SHISA6: variants seen among roughly 807,000 people sequenced by gnomAD.
The protein encoded by SHISA6 is shisa family member 6.
In SHISA6, 22 loss-of-function variants were observed where a neutral mutation model predicts 47.9. The observed-to-expected ratio is 0.46, with a 90% CI of 0.33 to 0.66. The LOEUF (loss-of-function observed/expected upper bound fraction) is 0.66, where lower values mean the gene tolerates loss of function less well. SHISA6 is among the 30% of genes least tolerant of loss of function. The pLI is 0.02. For synonymous variants in SHISA6, 388 were observed against 337.8 expected (o/e 1.15, Z -1.63); for missense variants, 680 against 764.6 (o/e 0.89, Z 1.30).
intron 2 of SHISA6, among the ~76,000 whole-genome samples, chr17:11,341,507 G>A (rs538373399): frequency 6.6e-6 from 1 of 151,854 alleles, no homozygotes; most frequent in Admixed American, 6.6e-5. Flanking sequence ...GCTAATTTTT[G>A]TATTTTTATT....
chr17:11,325,713 A>C (rs961843327), intron 2 of SHISA6, among the ~76,000 whole-genome samples: 1 of 148,784 alleles, frequency 6.7e-6, no homozygotes, highest in African/African-American at 2.5e-5. Flanking sequence ...AAAAAAAAAG[A>C]CTTGATGTCA....
Position 11,548,440 on chromosome 17 carries a change from CATAT to C in SHISA6, c.896-3440_896-3437del, listed in dbSNP as rs10578711. On this transcript the variant is annotated intron_variant, in intron 3 of 5. Transcript: ENST00000441885. ...AAATGTTATTTATGAATGCATATTT[CATAT>C]ATATATATATATATACATATATCAC... is the stretch of plus-strand genomic sequence containing the variant. 4.2e-3 allele frequency among the ~76,000 whole-genome samples: 623 copies of C among 148,572 alleles called. 4 individuals are homozygous for C. Among genetic ancestry groups the C allele is most frequent in the African/African-American group, 0.014 (573 of 40,656 alleles).
At chr17:11,275,561 C>T (rs767635249) in intron 2 of SHISA6, among the ~76,000 whole-genome samples, 3 of 152,108 alleles carry the variant, frequency 2.0e-5, no homozygotes, top group Non-Finnish European at 2.9e-5. Context: ...AATAAACCCA[C>T]GGACATATAC....
chr17:11,393,053 AT>A (rs1474502156), intron 3 of SHISA6, among the ~76,000 whole-genome samples: 1 of 152,214 alleles, frequency 6.6e-6, no homozygotes, highest in Non-Finnish European at 1.5e-5. Flanking sequence ...TTCTACACAA[AT>A]TCTGTCATCT....
chr17:11,264,006 A>T (rs1437377227), intron 2 of SHISA6, among the ~76,000 whole-genome samples: 1 of 152,156 alleles, frequency 6.6e-6, no homozygotes, highest in Admixed American at 6.5e-5. Context: ...TGCTCTGTAG[A>T]TTCCCTGGAT....
At chr17:11,325,593 A>C (rs1910853315) in intron 2 of SHISA6, among the ~76,000 whole-genome samples, 1 of 152,238 alleles carries the variant, frequency 6.6e-6, no homozygotes, top group South Asian at 2.1e-4. Flanking sequence ...TCATTTAAAA[A>C]AAAGACAGCA....
intron 3 of SHISA6, among the ~76,000 whole-genome samples, chr17:11,411,560 C>T (rs111590232): frequency 0.024 from 3,596 of 152,122 alleles, 149 homozygotes; most frequent in African/African-American, 0.082. Context: ...CCACATCCAG[C>T]TAATTTTTGT....
At chr17:11,538,005 T>C (rs1265073708) in intron 3 of SHISA6, among the ~76,000 whole-genome samples, 1 of 152,230 alleles carries the variant, frequency 6.6e-6, no homozygotes, top group Non-Finnish European at 1.5e-5. Flanking sequence ...AACTCCATTT[T>C]GCACTGGAGG....
chr17:11,551,161 A>T (rs1228192182), intron 3 of SHISA6, among the ~76,000 whole-genome samples: 7 of 152,238 alleles, frequency 4.6e-5, no homozygotes, highest in Admixed American at 3.9e-4. Flanking sequence ...GCCAGAGTGC[A>T]CTGTAGTGGT....
At chr17:11,286,525 C>A (rs1360965971) in intron 2 of SHISA6, among the ~76,000 whole-genome samples, 1 of 152,204 alleles carries the variant, frequency 6.6e-6, no homozygotes, top group Non-Finnish European at 1.5e-5. Flanking sequence ...CCCACTCATT[C>A]TGCCCTTGAC....
intron 2 of SHISA6, among the ~76,000 whole-genome samples, chr17:11,377,190 G>T (rs187184647): frequency 6.6e-6 from 1 of 152,086 alleles, no homozygotes; most frequent in Non-Finnish European, 1.5e-5. Flanking sequence ...TGCTCTTGGT[G>T]CTGCCTCATT....
rs1284103077 is a variant in SHISA6 at position 11,338,191 on chromosome 17, C to T, written c.800-41223C>T. Reference sequence around the variant, plus strand: ...CTCATGTTCAGCAGCTGCACACAGACTAGATAGGAGTTTGGCATGCATCTG... The same window carrying T: ...CTCATGTTCAGCAGCTGCACACAGATTAGATAGGAGTTTGGCATGCATCTG... On this transcript the variant is annotated intron_variant, in intron 2 of 5. Transcript: ENST00000441885. Among the ~76,000 whole-genome samples, 3 of 152,284 alleles carry T rather than the reference C, an allele frequency of 2.0e-5. No individual in the cohort carries two copies. In the East Asian group the frequency reaches 5.8e-4, roughly 29 times the overall value.
At chr17:11,264,067 A>G (rs1423699831) in intron 2 of SHISA6, among the ~76,000 whole-genome samples, 2 of 152,180 alleles carry the variant, frequency 1.3e-5, no homozygotes, top group African/African-American at 2.4e-5. Flanking sequence ...TTTTGTACTT[A>G]TCATAGCTAT....
rs1219730038 is a variant in SHISA6, at chr17:11,555,785, A to T, written c.998A>T (p.Tyr333Phe). Reference sequence around the variant, plus strand: ...ATCCTGACATCAGCCACCGAGCCCTATGACCTCTCCTTCTCCCGCTCGTTC... The same window carrying T: ...ATCCTGACATCAGCCACCGAGCCCTTTGACCTCTCCTTCTCCCGCTCGTTC... ...NNILTSATEP[Y>F]DLSFSRSFQN... The change falls in exon 5 of 6, where the codon TAT (tyrosine) becomes TTT (phenylalanine). Residue 333 changes from tyrosine (Y) to phenylalanine (F), a missense_variant. By Grantham distance (22) the Tyr-to-Phe change is conservative (BLOSUM62 3). Transcript: ENST00000441885. 1.9e-6 allele frequency: 3 copies of T among 1,551,706 alleles called. No individual in the cohort carries two copies. The East Asian group carries it at 7.3e-5, about 38-fold the overall frequency.
chr17:11,449,462 G>T (rs937918260), intron 3 of SHISA6, among the ~76,000 whole-genome samples: 12 of 150,760 alleles, frequency 8.0e-5, no homozygotes, highest in Non-Finnish European at 1.8e-4. Context: ...AAAAGAAAAA[G>T]AAAAAAAAGA....
chr17:11,291,853 T>C lies in SHISA6; in HGVS notation c.799+28327T>C, dbSNP rs114589556. Among the ~76,000 whole-genome samples, 552 of 152,256 alleles carry C rather than the reference T, an allele frequency of 3.6e-3. 7 individuals carry two copies. The highest frequency in any genetic ancestry group is 0.013 in the African/African-American group (534 of 41,554). On this transcript the variant is annotated intron_variant, in intron 2 of 5. Transcript: ENST00000441885. The stretch of plus-strand genomic sequence containing the variant: ...CTCCTCTTTTAGGGAGACATCAGTT[T>C]GACTAGATTAGGGCCCATCCGAGGT...
intron 2 of SHISA6, among the ~76,000 whole-genome samples, chr17:11,282,436 C>G (rs2005812): frequency 2.6e-5 from 4 of 151,484 alleles, no homozygotes; most frequent in Non-Finnish European, 5.9e-5. Flanking sequence ...TCTGGGGTAC[C>G]TGTGCACAAC....
intron 3 of SHISA6, among the ~76,000 whole-genome samples, chr17:11,439,374 C>T (rs1256158858): frequency 3.3e-4 from 50 of 152,158 alleles, no homozygotes; most frequent in Admixed American, 3.3e-3. Context: ...CTGAGTAGCA[C>T]TCAGCCTTCC....
chr17:11,245,384 T>G (rs534396534), intron 1 of SHISA6, among the ~76,000 whole-genome samples: 18 of 152,336 alleles, frequency 1.2e-4, no homozygotes, highest in African/African-American at 4.1e-4. Flanking sequence ...CCACAGATTT[T>G]GCTATTTCCT....
Sources: allele counts gnomAD v4.1 joint callset (sites outside exome capture counted in the v4.1 genomes callset), GRCh38; gene constraint gnomAD v4.1.1; transcripts MANE v1.5; gene names NCBI Gene and HGNC (gene_info 2026-07-23, HGNC 2026-07-21).